The following MIA2 variants were observed in gnomAD, a reference collection of about 807,000 sequenced individuals.
MIA2 encodes melanoma inhibitory activity protein 2.
MIA2 carries 127 observed loss-of-function variants against 167.8 expected under a neutral mutation model. The ratio of observed to expected loss-of-function variants is 0.76; its 90% CI spans 0.66 to 0.88. The LOEUF is 0.88. Among genes scored for constraint, MIA2 ranks in the 40% least tolerant of loss-of-function variants. The pLI, the probability that MIA2 is intolerant of heterozygous loss-of-function variation, is 0.00. For missense variants in MIA2, 1,690 were observed against 1,624.7 expected, an observed-to-expected ratio of 1.04 and a Z score of -0.69; for synonymous variants, 552 against 541.9, an observed-to-expected ratio of 1.02 and a Z score of -0.26.
chr14:39,255,090 C>G (rs903891084), intron 6 of MIA2, among the ~76,000 whole-genome samples: 56 of 152,106 alleles, frequency 3.7e-4, no homozygotes, highest in African/African-American at 1.3e-3. Context: ...AGGCCTCTTC[C>G]TCACTTAATT....
At chr14:39,318,373 T>C (rs2065865912) in intron 22 of MIA2, among the ~76,000 whole-genome samples, 1 of 152,172 alleles carries the variant, frequency 6.6e-6, no homozygotes, top group Non-Finnish European at 1.5e-5. Context: ...GATAGGATAA[T>C]ATTCATTAAT....
At chr14:39,320,742 C>T (rs994572136) in intron 23 of MIA2, among the ~76,000 whole-genome samples, 186 bp from the exon 24 acceptor site, 4 of 152,032 alleles carry the variant, frequency 2.6e-5, no homozygotes, top group Admixed American at 6.6e-5. Context: ...AGACAAATAT[C>T]GAAAACACCA....
chr14:39,277,204 TG>T, intron 7 of MIA2, 139 bp downstream of exon 7: 1 of 1,197,514 alleles, frequency 8.4e-7, no homozygotes, highest in Non-Finnish European at 1.1e-6. Flanking sequence ...TTTTGTTTTT[TG>T]TTTTTTTTAA....
intron 1 of MIA2, among the ~76,000 whole-genome samples, chr14:39,235,383 C>A (rs535921246): frequency 6.6e-6 from 1 of 152,128 alleles, no homozygotes; most frequent in East Asian, 1.9e-4. Context: ...TTAGTATAAA[C>A]ATAAATAATT....
chr14:39,349,903 A>G (rs2074165355), intron 28 of MIA2, among the ~76,000 whole-genome samples, 195 bp from the exon 29 acceptor site: 1 of 152,180 alleles, frequency 6.6e-6, no homozygotes, highest in African/African-American at 2.4e-5. Flanking sequence ...AATTAATGAT[A>G]TTTCCTTTAA....
At chr14:39,265,539 AT>A in intron 6 of MIA2, 1 of 726,648 alleles carries the variant, frequency 1.4e-6, no homozygotes, top group Non-Finnish European at 2.3e-6. Flanking sequence ...TTTTTTTTTC[AT>A]TTTATCCTCT....
chr14:39,335,544 T>C (rs2070168136), intron 25 of MIA2, among the ~76,000 whole-genome samples: 1 of 152,228 alleles, frequency 6.6e-6, no homozygotes. Flanking sequence ...CAGAAAAAAC[T>C]GCTCTAACTT....
intron 6 of MIA2, among the ~76,000 whole-genome samples, chr14:39,255,648 G>A (rs1279633158): frequency 1.3e-5 from 2 of 152,078 alleles, no homozygotes; most frequent in Non-Finnish European, 2.9e-5. Context: ...CTACTTTTTG[G>A]TATGTCTTGC....
At chr14:39,237,318 G>A (rs1320606386) in intron 2 of MIA2, 1 of 427,218 alleles carries the variant, frequency 2.3e-6, no homozygotes. Flanking sequence ...GGTAGAGACA[G>A]CATTTCACTC....
chr14:39,252,549 C>T (rs1265735232), intron 4 of MIA2, among the ~76,000 whole-genome samples, 199 bp from the exon 5 acceptor site: 1 of 152,110 alleles, frequency 6.6e-6, no homozygotes, highest in Non-Finnish European at 1.5e-5. Context: ...TTGTTTAAAC[C>T]ACTAAGTTTT....
chr14:39,304,724 T>A (rs2063058720), intron 17 of MIA2, among the ~76,000 whole-genome samples: 1 of 152,204 alleles, frequency 6.6e-6, no homozygotes, highest in Non-Finnish European at 1.5e-5. Context: ...CTTTGTTAAT[T>A]GAAAAATTGA....
At chr14:39,376,893 T>TA (rs771565387) in intron 23 of MIA2, among the ~76,000 whole-genome samples, 21 of 152,230 alleles carry the variant, frequency 1.4e-4, no homozygotes, top group Non-Finnish European at 2.5e-4. Flanking sequence ...GATAAGGTGA[T>TA]AGAGTGGAGA....
intron 9 of MIA2, among the ~76,000 whole-genome samples, chr14:39,279,871 C>T (rs1414958047): frequency 6.6e-6 from 1 of 152,126 alleles, no homozygotes; most frequent in Non-Finnish European, 1.5e-5. Context: ...TGGATTAGGG[C>T]CCACCCTAAC....
intron 23 of MIA2, among the ~76,000 whole-genome samples, chr14:39,360,651 T>A (rs962584398): frequency 6.6e-6 from 1 of 152,202 alleles, no homozygotes; most frequent in African/African-American, 2.4e-5. Flanking sequence ...TGCATAAGCC[T>A]GTTAGTTTAT....
At chr14:39,342,407 A>G (rs1404905271) in intron 25 of MIA2, among the ~76,000 whole-genome samples, 2 of 152,038 alleles carry the variant, frequency 1.3e-5, no homozygotes, top group African/African-American at 4.8e-5. Flanking sequence ...AATCCAGTCT[A>G]TCGTTGTTGG....
At chr14:39,283,320 C>A (rs1359337044) in intron 9 of MIA2, among the ~76,000 whole-genome samples, 1 of 152,150 alleles carries the variant, frequency 6.6e-6, no homozygotes, top group African/African-American at 2.4e-5. Flanking sequence ...ATACTACTTT[C>A]TGTAGTGACT....
chr14:39,334,032 G>A (rs1029472616), intron 25 of MIA2, among the ~76,000 whole-genome samples: 5 of 152,188 alleles, frequency 3.3e-5, no homozygotes, highest in African/African-American at 1.2e-4. Context: ...CAAAATTTAT[G>A]ATGAGTGAGA....
chr14:39,249,719 C>A lies in MIA2; in HGVS notation c.1567+1578C>A, dbSNP rs141525971. Reference sequence around the variant, plus strand: ...AGTAGAAAACTTTATGACTTTCCGACATCTCCATCCTTATGACTCTATGAT... The same window carrying A: ...AGTAGAAAACTTTATGACTTTCCGAAATCTCCATCCTTATGACTCTATGAT... On this transcript the variant is annotated intron_variant, in intron 4 of 28. Coordinates refer to ENST00000640607, the MANE Select transcript of MIA2 (RefSeq NM_001329214.4). 3.1e-3 allele frequency among the ~76,000 whole-genome samples: 469 copies of A among 152,264 alleles called. 8 individuals are homozygous for A. Among genetic ancestry groups the A allele is most frequent in the African/African-American group, 0.011 (441 of 41,550 alleles).
At chr14:39,282,206 G>A (rs987260411) in intron 9 of MIA2, among the ~76,000 whole-genome samples, 1 of 152,138 alleles carries the variant, frequency 6.6e-6, no homozygotes, top group African/African-American at 2.4e-5. Context: ...GCTTTTCATA[G>A]GCAGCTAGGC....
Sources: allele counts gnomAD v4.1 joint callset (sites outside exome capture counted in the v4.1 genomes callset), GRCh38; gene constraint gnomAD v4.1.1; transcripts MANE v1.5; gene names NCBI Gene and HGNC (gene_info 2026-07-23, HGNC 2026-07-21).